CA10: variants seen among roughly 807,000 people sequenced by gnomAD.
CA10 encodes the protein carbonic anhydrase-related protein 10.
Under a neutral mutation model 44.2 loss-of-function variants are expected in CA10, and 14 were observed. The ratio of observed to expected loss-of-function variants is 0.32; its 90% CI spans 0.21 to 0.50. The LOEUF is 0.50. Among genes scored for constraint, CA10 ranks in the 20% least tolerant of loss-of-function variants. CA10 has a pLI of 0.99. For synonymous variants in CA10, 159 were observed against 141.6 expected (o/e 1.12, Z -0.87); for missense variants, 350 against 409.7 (o/e 0.85, Z 1.26).
intron 1 of CA10, among the ~76,000 whole-genome samples, chr17:52,133,515 G>A (rs994712497): frequency 6.6e-6 from 1 of 151,756 alleles, no homozygotes; most frequent in Admixed American, 6.6e-5. Context: ...AGCAAAAAGT[G>A]TTAACAAGAA....
chr17:51,963,236 T>C (rs1046918854), intron 2 of CA10, among the ~76,000 whole-genome samples: 2 of 151,950 alleles, frequency 1.3e-5, no homozygotes, highest in African/African-American at 2.4e-5. Flanking sequence ...TTTAGAAAAA[T>C]GAACAAAGTC....
At chr17:52,152,597 T>C (rs1567749972) in intron 1 of CA10, among the ~76,000 whole-genome samples, 1 of 152,134 alleles carries the variant, frequency 6.6e-6, no homozygotes, top group African/African-American at 2.4e-5. Context: ...TTCCTTTATA[T>C]CACAATGCAT....
chr17:51,850,288 A>T (rs141740745), intron 3 of CA10, among the ~76,000 whole-genome samples: 2,829 of 152,346 alleles, frequency 0.019, 47 homozygotes, highest in South Asian at 0.065. Flanking sequence ...ATGTATATAA[A>T]GTAGAGGAAC....
chr17:51,880,320 T>A (rs994312540), intron 3 of CA10, among the ~76,000 whole-genome samples: 1 of 152,202 alleles, frequency 6.6e-6, no homozygotes, highest in Non-Finnish European at 1.5e-5. Context: ...TTTTTCTTTT[T>A]TTTTGAGGCA....
At chr17:51,690,286 A>G (rs1295242575) in intron 4 of CA10, among the ~76,000 whole-genome samples, 1 of 152,190 alleles carries the variant, frequency 6.6e-6, no homozygotes, top group Non-Finnish European at 1.5e-5. Flanking sequence ...ATACATTGCT[A>G]TTAACTATAG....
chr17:51,906,566 T>C (rs1402149345), intron 3 of CA10, among the ~76,000 whole-genome samples: 3 of 152,202 alleles, frequency 2.0e-5, no homozygotes, highest in Non-Finnish European at 4.4e-5. Flanking sequence ...TGTATGCCCA[T>C]GGCTTTAAAT....
intron 4 of CA10, among the ~76,000 whole-genome samples, chr17:51,730,308 T>C (rs8080331): frequency 0.63 from 96,183 of 152,060 alleles, 31,004 homozygotes; most frequent in East Asian, 0.73. Context: ...GGATTATTCA[T>C]TATTTTGGAT....
At chr17:51,963,509 A>G (rs955703916) in intron 2 of CA10, among the ~76,000 whole-genome samples, 18 of 152,170 alleles carry the variant, frequency 1.2e-4, no homozygotes, top group African/African-American at 4.1e-4. Context: ...TCTCAGAGGT[A>G]GCTAGAGAAA....
At chr17:52,063,209 C>T (rs1181382580) in intron 2 of CA10, among the ~76,000 whole-genome samples, 1 of 152,230 alleles carries the variant, frequency 6.6e-6, no homozygotes, top group Non-Finnish European at 1.5e-5. Context: ...CCTATACAAA[C>T]ATTGCATATT....
chr17:52,061,982 T>A (rs569275346), intron 2 of CA10, among the ~76,000 whole-genome samples: 1 of 151,936 alleles, frequency 6.6e-6, no homozygotes, highest in East Asian at 1.9e-4. Context: ...GAAGGGGTGG[T>A]CACATACTGA....
At chr17:51,737,601 G>A (rs988940029) in intron 4 of CA10, among the ~76,000 whole-genome samples, 2 of 152,128 alleles carry the variant, frequency 1.3e-5, no homozygotes, top group African/African-American at 2.4e-5. Flanking sequence ...AGCCAAAGCA[G>A]TTTACTGAAT....
chr17:51,978,382 ATGTGTGTGTGTGTGTGTG>A (rs56108471), intron 2 of CA10, among the ~76,000 whole-genome samples: 3 of 142,008 alleles, frequency 2.1e-5, no homozygotes, highest in African/African-American at 7.7e-5. Flanking sequence ...GTGTGTCTGT[ATGTGTGTGTGTGTGTGTG>A]TGTGTGTGTG....
chr17:52,146,254 A>G (rs1436962996), intron 1 of CA10, among the ~76,000 whole-genome samples: 1 of 151,892 alleles, frequency 6.6e-6, no homozygotes, highest in East Asian at 1.9e-4. Flanking sequence ...AAGTATGATA[A>G]TAAAAAAAAA....
chr17:51,928,592 G>A lies in CA10; in HGVS notation c.279+2398C>T, dbSNP rs546551595. On this transcript the variant is annotated intron_variant, in intron 3 of 8. Transcript: ENST00000451037. ...GAATAATGCTTGTGGATAAAAATGC[G>A]ACACAAAACATGTAGTTACTAGGCT... 2.4e-4 allele frequency among the ~76,000 whole-genome samples: 36 copies of A among 152,144 alleles called. 1 individual carries two copies. The highest frequency in any genetic ancestry group is 8.7e-4 in the African/African-American group (36 of 41,514).
At chr17:51,698,912 T>C (rs1025901369) in intron 4 of CA10, among the ~76,000 whole-genome samples, 1 of 152,228 alleles carries the variant, frequency 6.6e-6, no homozygotes, top group Non-Finnish European at 1.5e-5. Context: ...TGGATGATAT[T>C]CCATTTTCAT....
chr17:51,900,425 G>A (rs1478019986), intron 3 of CA10, among the ~76,000 whole-genome samples: 1 of 152,064 alleles, frequency 6.6e-6, no homozygotes, highest in Non-Finnish European at 1.5e-5. Flanking sequence ...CTCTTTGTAG[G>A]TGACCTGCCC....
intron 3 of CA10, among the ~76,000 whole-genome samples, chr17:51,781,458 G>A (rs1906055169): frequency 6.6e-6 from 1 of 152,188 alleles, no homozygotes; most frequent in Non-Finnish European, 1.5e-5. Context: ...AAGGAAAAGA[G>A]ATGCTATTTG....
At chr17:52,060,312 G>A (rs1987346627) in intron 2 of CA10, among the ~76,000 whole-genome samples, 1 of 152,020 alleles carries the variant, frequency 6.6e-6, no homozygotes, top group Non-Finnish European at 1.5e-5. Context: ...GCCCAGAGGA[G>A]ACGAAAGAGA....
chr17:51,729,434 G>T (rs1403459267), intron 4 of CA10, among the ~76,000 whole-genome samples: 6 of 152,140 alleles, frequency 3.9e-5, no homozygotes, highest in Non-Finnish European at 7.4e-5. Context: ...GTATTGGCAC[G>T]TGGGTTAGAG....
Sources: allele counts gnomAD v4.1 joint callset (sites outside exome capture counted in the v4.1 genomes callset), GRCh38; gene constraint gnomAD v4.1.1; transcripts MANE v1.5; gene names NCBI Gene and HGNC (gene_info 2026-07-23, HGNC 2026-07-21).